FAM78B: variants seen among roughly 807,000 people sequenced by gnomAD.
The protein encoded by FAM78B is family with sequence similarity 78 member B.
FAM78B carries 10 observed loss-of-function variants against 20.0 expected under a neutral mutation model. The observed-to-expected ratio is 0.50, with a 90% CI of 0.31 to 0.85. The LOEUF is 0.85. FAM78B is among the 40% of genes least tolerant of loss of function. The probability of loss-of-function intolerance (pLI) is 0.05; values close to 1 mark genes in which losing one functional copy is unlikely to be tolerated. For synonymous variants in FAM78B, 135 were observed against 132.8 expected, an observed-to-expected ratio of 1.02 and a Z score of -0.12; for missense variants, 283 against 345.0, an observed-to-expected ratio of 0.82 and a Z score of 1.42.
At chr1:166,160,525 T>A (rs1656105516) in intron 1 of FAM78B, among the ~76,000 whole-genome samples, 1 of 152,154 alleles carries the variant, frequency 6.6e-6, no homozygotes, top group Non-Finnish European at 1.5e-5. Context: ...AACCATCTGG[T>A]GGGGTAACAC....
At chr1:166,084,233 A>T (rs78276445) in intron 1 of FAM78B, among the ~76,000 whole-genome samples, 5 of 123,648 alleles carry the variant, frequency 4.0e-5, no homozygotes, top group South Asian at 2.8e-4. Context: ...ACACACACAC[A>T]CACACTCTCT....
intron 1 of FAM78B, among the ~76,000 whole-genome samples, chr1:166,131,150 C>T (rs976143950): frequency 4.6e-5 from 7 of 151,994 alleles, no homozygotes; most frequent in African/African-American, 1.7e-4. Context: ...TGCCACCACA[C>T]CCGGCTAATT....
chr1:166,150,418 C>T (rs928349212), intron 1 of FAM78B, among the ~76,000 whole-genome samples: 1 of 152,134 alleles, frequency 6.6e-6, no homozygotes, highest in Non-Finnish European at 1.5e-5. Context: ...AATTGAGGAA[C>T]AGAAGAATAT....
intron 1 of FAM78B, among the ~76,000 whole-genome samples, chr1:166,162,348 G>A (rs533895734): frequency 7.2e-5 from 11 of 152,318 alleles, no homozygotes; most frequent in Non-Finnish European, 1.2e-4. Flanking sequence ...ACTTCCTAAA[G>A]TTTCACACAG....
intron 1 of FAM78B, among the ~76,000 whole-genome samples, chr1:166,136,419 A>G (rs7549020): frequency 0.99 from 150,665 of 152,248 alleles, 74,563 homozygotes; most frequent in Middle Eastern, 1. Context: ...GCTGGCCCCC[A>G]TGAGCGGATC....
chr1:166,153,820 C>A (rs1448343702), intron 1 of FAM78B, among the ~76,000 whole-genome samples: 1 of 152,046 alleles, frequency 6.6e-6, no homozygotes, highest in African/African-American at 2.4e-5. Context: ...TACTCGTCTC[C>A]CTCTGCAGTC....
intron 1 of FAM78B, among the ~76,000 whole-genome samples, chr1:166,074,647 T>C (rs901446432): frequency 3.3e-5 from 5 of 152,228 alleles, no homozygotes; most frequent in Non-Finnish European, 1.5e-5. Flanking sequence ...TTATACTTTA[T>C]ATATTTACTC....
At chr1:166,105,051 C>T (rs1653712657) in intron 1 of FAM78B, among the ~76,000 whole-genome samples, 1 of 152,102 alleles carries the variant, frequency 6.6e-6, no homozygotes, top group Admixed American at 6.5e-5. Flanking sequence ...AATAATGCCA[C>T]ATATCTACAA....
intron 1 of FAM78B, among the ~76,000 whole-genome samples, chr1:166,158,663 A>G (rs959005848): frequency 6.6e-6 from 1 of 152,178 alleles, no homozygotes; most frequent in African/African-American, 2.4e-5. Context: ...CTAAAACCCA[A>G]AACAACAACA....
At chr1:166,164,102 G>A (rs1314615369) in intron 1 of FAM78B, among the ~76,000 whole-genome samples, 4 of 152,164 alleles carry the variant, frequency 2.6e-5, no homozygotes, top group Admixed American at 6.5e-5. Flanking sequence ...TAAGTTTTAC[G>A]GAAATAATTC....
In FAM78B at chr1:166,137,616, G is replaced by A. The variant is rs567001310; in HGVS notation, c.263+28370C>T. ...TGAGTTTCCTCACCTGCAGATCAGA[G>A]GAAATAATTCCTATTTTATCTATCT... On this transcript the variant is annotated intron_variant, in intron 1 of 1. Coordinates refer to ENST00000354422, the MANE Select transcript of FAM78B (RefSeq NM_001017961.5). Among the ~76,000 whole-genome samples, 3 of 152,056 alleles carry A rather than the reference G, an allele frequency of 2.0e-5. No individual in the cohort carries two copies. The East Asian group carries it at 5.8e-4, about 29-fold the overall frequency.
intron 1 of FAM78B, among the ~76,000 whole-genome samples, chr1:166,151,229 G>A (rs1003721891): frequency 1.3e-5 from 2 of 152,190 alleles, no homozygotes; most frequent in Non-Finnish European, 2.9e-5. Flanking sequence ...TGACTGTCTC[G>A]TCCACTTCTT....
At chr1:166,157,315 C>T (rs1189307653) in intron 1 of FAM78B, among the ~76,000 whole-genome samples, 1 of 151,710 alleles carries the variant, frequency 6.6e-6, no homozygotes, top group Non-Finnish European at 1.5e-5. Context: ...ACAAAAATCA[C>T]AAGTGTTGAT....
chr1:166,105,282 C>T (rs10918356), intron 1 of FAM78B, among the ~76,000 whole-genome samples: 2 of 151,978 alleles, frequency 1.3e-5, no homozygotes, highest in African/African-American at 4.8e-5. Flanking sequence ...TACCAGTCAG[C>T]ACATAGGCAT....
intron 1 of FAM78B, among the ~76,000 whole-genome samples, chr1:166,073,786 GTCTCTC>G (rs1652151046): frequency 6.6e-6 from 1 of 152,134 alleles, no homozygotes. Flanking sequence ...GTCTTCCCCT[GTCTCTC>G]TGCAAGGGGT....
At chr1:166,085,080 G>C (rs538614349) in intron 1 of FAM78B, among the ~76,000 whole-genome samples, 183 of 152,348 alleles carry the variant, frequency 1.2e-3, no homozygotes, top group Non-Finnish European at 2.1e-3. Flanking sequence ...CCCTGGAAGA[G>C]AAGCTCTTGG....
intron 1 of FAM78B, among the ~76,000 whole-genome samples, chr1:166,118,513 C>T (rs2101765939): frequency 6.6e-6 from 1 of 152,220 alleles, no homozygotes; most frequent in Middle Eastern, 3.4e-3. Context: ...TTTAATCCAG[C>T]ACTTGACAAA....
At chr1:166,065,791 T>TAGG (rs1411956269), downstream of FAM78B, among the ~76,000 whole-genome samples, 2 of 152,166 alleles carry the variant, frequency 1.3e-5, no homozygotes, top group African/African-American at 4.8e-5. Context: ...GGGGTAAAAA[T>TAGG]ATCTGTGTGC....
intron 1 of FAM78B, among the ~76,000 whole-genome samples, chr1:166,116,471 G>A (rs749867087): frequency 2.0e-5 from 3 of 152,292 alleles, no homozygotes; most frequent in South Asian, 4.1e-4. Flanking sequence ...AAAGAGAAGC[G>A]TCTGCCCTCT....
Sources: allele counts gnomAD v4.1 joint callset (sites outside exome capture counted in the v4.1 genomes callset), GRCh38; gene constraint gnomAD v4.1.1; transcripts MANE v1.5; gene names NCBI Gene and HGNC (gene_info 2026-07-23, HGNC 2026-07-21).